Variants in KALRN observed in about 807,000 individuals in gnomAD.
KALRN encodes the protein kalirin RhoGEF kinase.
KALRN carries 70 observed loss-of-function variants against 353.7 expected under a neutral mutation model. That is an observed-to-expected ratio of 0.20 (90% CI 0.16 to 0.24). KALRN has a LOEUF of 0.24. Ranked by LOEUF, KALRN falls within the 10% of genes least tolerant of loss-of-function variation. The pLI is 1.00. For missense variants in KALRN, 2,791 were observed against 3,756.7 expected, an observed-to-expected ratio of 0.74 and a Z score of 6.72; for synonymous variants, 1,391 against 1,434.8, an observed-to-expected ratio of 0.97 and a Z score of 0.69.
intron 1 of KALRN, among the ~76,000 whole-genome samples, chr3:124,143,273 T>C (rs1427031040): frequency 6.6e-6 from 1 of 152,178 alleles, no homozygotes; most frequent in Non-Finnish European, 1.5e-5. Flanking sequence ...CATATCTCAC[T>C]GTCATGTGGA....
intron 1 of KALRN, among the ~76,000 whole-genome samples, chr3:124,047,519 G>A (rs2040594537): frequency 7.3e-6 from 1 of 137,402 alleles, no homozygotes; most frequent in Non-Finnish European, 1.5e-5. Flanking sequence ...TTGAGATGGA[G>A]TCTCGCTCTG....
chr3:124,042,193 G>T (rs1365730321), intron 1 of KALRN, among the ~76,000 whole-genome samples: 1 of 152,162 alleles, frequency 6.6e-6, no homozygotes. Context: ...GGCAGTAAAT[G>T]GTCCAGTTTA....
chr3:124,598,197 G>A (rs1475659498), intron 34 of KALRN, among the ~76,000 whole-genome samples: 3 of 152,214 alleles, frequency 2.0e-5, no homozygotes, highest in Non-Finnish European at 2.9e-5. Context: ...CTCCTCTGGA[G>A]GCCCAAGTCC....
intron 1 of KALRN, among the ~76,000 whole-genome samples, chr3:124,186,952 G>T (rs868857406): frequency 6.6e-6 from 1 of 152,168 alleles, no homozygotes; most frequent in Admixed American, 6.5e-5. Context: ...TTATGCAGGT[G>T]ATTTATTTTG....
chr3:124,697,977 T>C (rs2062134271), intron 55 of KALRN, among the ~76,000 whole-genome samples: 1 of 152,090 alleles, frequency 6.6e-6, no homozygotes, highest in South Asian at 2.1e-4. Context: ...TTTTATTGTT[T>C]ATTTTTTTTG....
intron 37 of KALRN, among the ~76,000 whole-genome samples, chr3:124,642,675 G>C (rs549720096): frequency 1.3e-5 from 2 of 152,010 alleles, no homozygotes; most frequent in Non-Finnish European, 2.9e-5. Context: ...TCAATAGCCG[G>C]GTGGAGTTAG....
intron 33 of KALRN, among the ~76,000 whole-genome samples, chr3:124,553,612 C>T (rs1235678941): frequency 2.6e-5 from 4 of 152,200 alleles, no homozygotes; most frequent in Admixed American, 2.0e-4. Flanking sequence ...ACCCAGCCAC[C>T]TCTCCTCCCT....
intron 9 of KALRN, among the ~76,000 whole-genome samples, chr3:124,341,571 G>T (rs1476306864): frequency 6.6e-6 from 1 of 152,236 alleles, no homozygotes; most frequent in Admixed American, 6.5e-5. Flanking sequence ...TGCACAAAGA[G>T]AGAACTTTGA....
chr3:124,606,584 CTTAACG>C (rs2149504441), intron 34 of KALRN, among the ~76,000 whole-genome samples: 2 of 152,188 alleles, frequency 1.3e-5, no homozygotes, highest in Non-Finnish European at 2.9e-5. Context: ...AAATGTTTTT[CTTAACG>C]TTAAAGTCAG....
chr3:124,117,861 CA>C (rs2063593986), intron 1 of KALRN, among the ~76,000 whole-genome samples: 1 of 152,210 alleles, frequency 6.6e-6, no homozygotes, highest in East Asian at 1.9e-4. Flanking sequence ...GTACAAGGTA[CA>C]AAGCCATTAT....
chr3:124,589,811 C>T lies in KALRN; in HGVS notation c.5182+26722C>T, dbSNP rs1003154163. The stretch of plus-strand genomic sequence containing the variant: ...TTTAAGGATGTTCAAGTCCCATAGT[C>T]GGCCTTATTGAATCTTCAGATACAA... On this transcript the variant is annotated intron_variant, in intron 34 of 59. Transcript: ENST00000682506. Among the ~76,000 whole-genome samples the T allele has an allele frequency of 3.3e-5, 5 of 152,130 alleles. No homozygotes were observed. The East Asian group carries it at 9.6e-4, about 29-fold the overall frequency.
chr3:124,681,865 A>G (rs2087814095), intron 51 of KALRN, among the ~76,000 whole-genome samples: 1 of 152,050 alleles, frequency 6.6e-6, no homozygotes, highest in Admixed American at 6.6e-5. Context: ...CCTGACCTCA[A>G]GTGATCTGCC....
At chr3:124,560,604 T>G (rs1395366958) in intron 33 of KALRN, among the ~76,000 whole-genome samples, 1 of 152,200 alleles carries the variant, frequency 6.6e-6, no homozygotes, top group Non-Finnish European at 1.5e-5. Flanking sequence ...CTTTGGAATC[T>G]GAATCCCAGC....
At chr3:124,441,031 C>T (rs938080072) in intron 18 of KALRN, among the ~76,000 whole-genome samples, 3 of 152,124 alleles carry the variant, frequency 2.0e-5, no homozygotes, top group Non-Finnish European at 4.4e-5. Flanking sequence ...GGTAATATAA[C>T]AGCTGTTAGT....
rs1430122587 is a variant in KALRN at position 124,724,452 on chromosome 3, C to T, written c.*4982C>T. 6.6e-6 allele frequency: 1 copy of T among 152,092 alleles called. No individual in the cohort carries two copies. Among genetic ancestry groups the T allele is most frequent in the Non-Finnish European group, 1.5e-5 (1 of 68,024 alleles). 9.4% of individuals were successfully genotyped at this position (152,092 alleles called of 1,614,324 possible). On this transcript the variant is annotated 3_prime_UTR_variant, in exon 60 of 60. Coordinates refer to ENST00000682506, the MANE Select transcript of KALRN (RefSeq NM_001388419.1). ...CAGTGAATTTATTTATAAAACTGCA[C>T]CTTGATTTTTCCTCACTATTTAAAG...
chr3:124,559,898 G>T (rs2071742372), intron 33 of KALRN, among the ~76,000 whole-genome samples: 1 of 152,208 alleles, frequency 6.6e-6, no homozygotes, highest in South Asian at 2.1e-4. Context: ...AACCATAATG[G>T]CTTTTGGGCT....
intron 1 of KALRN, among the ~76,000 whole-genome samples, chr3:124,173,100 T>TG (rs1291896396): frequency 6.6e-6 from 1 of 151,646 alleles, no homozygotes; most frequent in East Asian, 1.9e-4. Context: ...GATTGGTGAT[T>TG]GGGGGGTGGG....
Position 124,721,959 on chromosome 3 carries a change from GA to G in KALRN, c.*2497del, listed in dbSNP as rs1038381726. 3.6e-4 allele frequency: 55 copies of G among 151,830 alleles called. No homozygotes were observed. The highest frequency in any genetic ancestry group is 2.0e-3 in the Admixed American group (30 of 15,254). The allele number at this position is 151,830 out of a possible 1,614,324, so 9.4% of individuals were successfully genotyped here. A position where few individuals can be genotyped will look rare whatever the true frequency, so the allele number is the denominator to read the frequency against. On this transcript the variant is annotated 3_prime_UTR_variant, in exon 60 of 60. Transcript: ENST00000682506. ...GGCAATAAGAGCAAAATTCTGTCTC[GA>G]AAAAAAAGGAAAGCCTGGCCCATAG...
chr3:124,588,958 G>A (rs1005762387), intron 34 of KALRN, among the ~76,000 whole-genome samples: 5 of 152,218 alleles, frequency 3.3e-5, no homozygotes, highest in Non-Finnish European at 7.3e-5. Flanking sequence ...GAGGAAGGAG[G>A]TGGGACTTAC....
Sources: gnomAD v4.1 joint callset for allele counts (sites outside exome capture counted in the v4.1 genomes callset) on GRCh38, gnomAD v4.1.1 for gene constraint, MANE v1.5 for transcripts, NCBI Gene and HGNC (gene_info 2026-07-23, HGNC 2026-07-21) for gene names.